RAB4B: variants seen among roughly 807,000 people sequenced by gnomAD.
RAB4B encodes RAB4B, member RAS oncogene family, also known as ras-related protein Rab-4B.
A neutral mutation model predicts 28.3 loss-of-function variants in RAB4B; 15 were observed. The observed-to-expected ratio is 0.53, with a 90% CI of 0.35 to 0.82. The LOEUF is 0.82. Ranked by LOEUF, RAB4B falls within the 40% of genes least tolerant of loss-of-function variation. The pLI is 0.01. For synonymous variants in RAB4B, 108 were observed against 116.3 expected (o/e 0.93, Z 0.46); for missense variants, 244 against 288.5 (o/e 0.85, Z 1.12).
intron 2 of RAB4B, 132 bp downstream of exon 2, chr19:40,780,231 T>C: frequency 6.8e-7 from 1 of 1,464,402 alleles, no homozygotes; most frequent in Non-Finnish European, 9.2e-7. Context: ...GGTCCTTGCT[T>C]TGTCGTATGT....
chr19:40,791,350 G>A (rs1053888945), intron 7 of RAB4B, among the ~76,000 whole-genome samples: 19 of 151,978 alleles, frequency 1.3e-4, no homozygotes, highest in African/African-American at 3.6e-4. Context: ...TGCTCCTGTC[G>A]CTCCCTTTTT....
intron 5 of RAB4B, chr19:40,785,393 C>G (rs1330634599): frequency 6.8e-6 from 1 of 146,122 alleles, no homozygotes. Context: ...TGCCTGTGGT[C>G]TGGGGTACTC....
At chr19:40,790,075 G>C (rs140182981) in intron 7 of RAB4B, among the ~76,000 whole-genome samples, 74 of 152,326 alleles carry the variant, frequency 4.9e-4, no homozygotes, top group Non-Finnish European at 8.2e-4. Flanking sequence ...GTGGGCCCTG[G>C]GGAGGCCTCT....
intron 1 of RAB4B, among the ~76,000 whole-genome samples, chr19:40,778,646 G>T (rs1278684273): frequency 6.6e-6 from 1 of 152,140 alleles, no homozygotes; most frequent in Non-Finnish European, 1.5e-5. Flanking sequence ...GTTCAGGGAG[G>T]CCCTGAGGGA....
At position 40,780,386 on chromosome 19, in the gene RAB4B, C is replaced by T; in HGVS notation, c.99C>T (p.Phe33=). The T allele has an allele frequency of 6.2e-7, 1 of 1,606,326 alleles. No homozygotes were observed. Residue 33 remains phenylalanine, a splice_region_variant and synonymous_variant, in exon 3 of 8, where the codon TTC becomes TTT. Transcript: ENST00000357052. The part of the protein sequence containing the change: ...CLLHQFIENK[F]KQDSNHTIGV... ...CCCTTCTGTTCCTCCTACTCCCAGT[C>T]AAACAGGACTCCAACCACACAATCG...
At position 40,778,276 on chromosome 19, in the gene RAB4B, G is replaced by A. The variant is rs1353328021; in HGVS notation, c.-100G>A. 6 of 1,220,150 alleles carry A rather than the reference G, an allele frequency of 4.9e-6. No individual in the cohort carries two copies. Among genetic ancestry groups the A allele is most frequent in the Non-Finnish European group, 6.6e-6 (6 of 903,506 alleles). 75.6% of individuals were successfully genotyped at this position (1,220,150 alleles called of 1,614,324 possible). A position where few individuals can be genotyped will look rare whatever the true frequency, so the allele number is the denominator to read the frequency against. On this transcript the variant is annotated 5_prime_UTR_variant, in exon 1 of 8. Transcript: ENST00000357052. The stretch of plus-strand genomic sequence containing the variant: ...GTGGCGGTGCCGGGCCCGGGGAGTA[G>A]GAAGGAGCCGGGGCTGTAGCCGGAG...
chr19:40,790,606 CTCGTGA>C, intron 7 of RAB4B, among the ~76,000 whole-genome samples: 1 of 151,012 alleles, frequency 6.6e-6, no homozygotes, highest in Middle Eastern at 3.4e-3. Context: ...ATCTCCTGAC[CTCGTGA>C]TCCTCCTGCC....
At chr19:40,795,932 C>G (rs2083205747) in intron 7 of RAB4B, among the ~76,000 whole-genome samples, 1 of 151,844 alleles carries the variant, frequency 6.6e-6, no homozygotes, top group African/African-American at 2.4e-5. Flanking sequence ...GTCTGGAACT[C>G]CCGACTTCAG....
At chr19:40,780,240 G>A (rs1371890529) in intron 2 of RAB4B, 141 bp downstream of exon 2, 8 of 1,453,680 alleles carry the variant, frequency 5.5e-6, no homozygotes, top group Non-Finnish European at 7.4e-6. Context: ...TTTGTCGTAT[G>A]TCCTTTACTA....
chr19:40,781,312 GAATA>G (rs769534052), intron 3 of RAB4B, among the ~76,000 whole-genome samples: 7,000 of 144,372 alleles, frequency 0.048, 220 homozygotes, highest in African/African-American at 0.087. Flanking sequence ...ATAAATAAAT[GAATA>G]AATAAATAAA....
chr19:40,791,478 C>T (rs2083159091), intron 7 of RAB4B, among the ~76,000 whole-genome samples: 2 of 152,120 alleles, frequency 1.3e-5, no homozygotes, highest in African/African-American at 2.4e-5. Context: ...AGCCACTTGT[C>T]GGTCTCCCTA....
At position 40,783,919 on chromosome 19, in the gene RAB4B, A is replaced by T; in HGVS notation, c.276-2A>T. 6.2e-7 allele frequency: 1 copy of T among 1,602,558 alleles called. No individual in the cohort carries two copies. Among genetic ancestry groups the T allele is most frequent in the Non-Finnish European group, 8.5e-7 (1 of 1,171,402 alleles). ...CCTCCCTCCCTTCTCCCTTCTCCAC[A>T]GCCGGGAGACATACAACTCACTGGC... On this transcript the variant is annotated splice_acceptor_variant, in intron 4 of 7. Coordinates refer to ENST00000357052, the MANE Select transcript of RAB4B (RefSeq NM_016154.5). LOFTEE classifies it high-confidence loss of function.
chr19:40,783,856 G>T lies in RAB4B; in HGVS notation c.275+16G>T. On this transcript the variant is annotated intron_variant, in intron 4 of 7. Coordinates refer to ENST00000357052, the MANE Select transcript of RAB4B (RefSeq NM_016154.5). Reference sequence around the variant, plus strand: ...ACATCACCAGGTGGGTGCCCGGGGTGGGTGGGGTAGGGCATGGGTGGTTCC... The same window carrying T: ...ACATCACCAGGTGGGTGCCCGGGGTTGGTGGGGTAGGGCATGGGTGGTTCC... 6.4e-7 allele frequency: 1 copy of T among 1,572,566 alleles called. No individual in the cohort carries two copies.
rs1352140021 is a variant in RAB4B at position 40,780,456 on chromosome 19, G to T, written c.169G>T (p.Val57Leu). The T allele has an allele frequency of 6.2e-7, 1 of 1,613,874 alleles. No individual in the cohort carries two copies. Among genetic ancestry groups the T allele is most frequent in the South Asian group, 1.1e-5 (1 of 91,036 alleles). The change falls in exon 3 of 8, where the codon GTG (valine) becomes TTG (leucine). Residue 57 changes from valine to leucine, a missense_variant. Physicochemically the swap from Val to Leu is conservative, Grantham distance 32. Transcript: ENST00000357052. ...GGTGGTCAACGTGGGTGGGAAGACT[G>T]TGAAGCTACAGATTTGGGACACGGC... ...SRVVNVGGKT[V>L]KLQIWDTAGQ... is the part of the protein sequence containing the mutation.
At chr19:40,795,212 A>G (rs1468012622) in intron 7 of RAB4B, among the ~76,000 whole-genome samples, 1 of 149,030 alleles carries the variant, frequency 6.7e-6, no homozygotes, top group Non-Finnish European at 1.5e-5. Flanking sequence ...AGCCAGTTGC[A>G]GGATTTCTGG....
chr19:40,788,784 CTTTTTTTTT>C (rs1173685187), intron 7 of RAB4B, among the ~76,000 whole-genome samples: 1 of 84,232 alleles, frequency 1.2e-5, no homozygotes, highest in African/African-American at 4.9e-5. Flanking sequence ...GACAGGGTTT[CTTTTTTTTT>C]TTTTTTTTTT....
intron 7 of RAB4B, among the ~76,000 whole-genome samples, chr19:40,790,600 C>T (rs1403601312): frequency 2.0e-5 from 3 of 150,882 alleles, no homozygotes; most frequent in Non-Finnish European, 4.4e-5. Context: ...GTCTCGATCT[C>T]CTGACCTCGT....
intron 1 of RAB4B, 27 bp downstream of exon 1, chr19:40,778,418 C>A: frequency 6.9e-7 from 1 of 1,447,354 alleles, no homozygotes; most frequent in Non-Finnish European, 9.1e-7. Flanking sequence ...AAGCTGGGGT[C>A]CTGGGTCTGG....
Position 40,786,771 on chromosome 19 carries a change from G to C in RAB4B, c.526+11G>C, listed in dbSNP as rs150669849. On this transcript the variant is annotated intron_variant, in intron 6 of 7. Transcript: ENST00000357052. ...ACAAGATTGACTCAGGTGAGGCCCC[G>C]ACCGGCCCGAGTGGGAGCGAAGGGC... The C allele has an allele frequency of 2.4e-5, 39 of 1,613,942 alleles. No homozygotes were observed. Among genetic ancestry groups the C allele is most frequent in the Non-Finnish European group, 3.3e-5 (39 of 1,179,982 alleles).
Sources: allele counts gnomAD v4.1 joint callset (sites outside exome capture counted in the v4.1 genomes callset), GRCh38; gene constraint gnomAD v4.1.1; transcripts MANE v1.5; gene names NCBI Gene and HGNC (gene_info 2026-07-23, HGNC 2026-07-21).